Variants in PLCXD3 observed in about 807,000 individuals in gnomAD.
The protein encoded by PLCXD3 is PI-PLC X domain-containing protein 3.
A neutral mutation model predicts 25.5 loss-of-function variants in PLCXD3; 19 were observed. The observed-to-expected ratio is 0.75, with a 90% CI of 0.52 to 1.09. The LOEUF (loss-of-function observed/expected upper bound fraction) is 1.09. PLCXD3 is among the 50% of genes least tolerant of loss of function. The pLI, the probability that PLCXD3 is intolerant of heterozygous loss-of-function variation, is 0.00. For synonymous variants in PLCXD3, 174 were observed against 137.6 expected, an observed-to-expected ratio of 1.26 and a Z score of -1.85; for missense variants, 411 against 388.1, an observed-to-expected ratio of 1.06 and a Z score of -0.50.
At chr5:41,420,824 T>G (rs1338759930) in intron 1 of PLCXD3, among the ~76,000 whole-genome samples, 1 of 152,258 alleles carries the variant, frequency 6.6e-6, no homozygotes, top group Non-Finnish European at 1.5e-5. Context: ...TTGCATTGTC[T>G]GCAAGTTCTT....
chr5:41,338,205 A>G (rs1744037789), intron 2 of PLCXD3, among the ~76,000 whole-genome samples: 1 of 152,160 alleles, frequency 6.6e-6, no homozygotes. Flanking sequence ...ATTCCATGGA[A>G]CAATGCTTCA....
At chr5:41,323,414 C>A (rs1438973685) in intron 2 of PLCXD3, among the ~76,000 whole-genome samples, 5 of 152,142 alleles carry the variant, frequency 3.3e-5, no homozygotes, top group East Asian at 1.9e-4. Flanking sequence ...GGAAGGGATA[C>A]CCCATTCTTC....
intron 1 of PLCXD3, among the ~76,000 whole-genome samples, chr5:41,412,048 A>T (rs750024706): frequency 9.2e-5 from 14 of 151,786 alleles, no homozygotes; most frequent in Non-Finnish European, 1.9e-4. Flanking sequence ...AGACACAATC[A>T]CATTTCTAAC....
intron 1 of PLCXD3, among the ~76,000 whole-genome samples, chr5:41,469,584 AG>A (rs1395047612): frequency 6.6e-6 from 1 of 151,770 alleles, no homozygotes; most frequent in Non-Finnish European, 1.5e-5. Flanking sequence ...AGTCTTAGTA[AG>A]TTGTATTGTG....
chr5:41,398,457 T>C (rs932852575), intron 1 of PLCXD3, among the ~76,000 whole-genome samples: 1 of 152,194 alleles, frequency 6.6e-6, no homozygotes, highest in South Asian at 2.1e-4. Context: ...TGTGAGTCAA[T>C]TAAATTTCTT....
rs1433090457 is a variant in PLCXD3 at position 41,326,011 on chromosome 5, G to A, written c.813-12241C>T. Reference sequence around the variant, plus strand: ...TACTAATCTCATTCATGGGGACTCTGCCCTCACAACCTAATCGCCTCCCAA... The same window carrying A: ...TACTAATCTCATTCATGGGGACTCTACCCTCACAACCTAATCGCCTCCCAA... On this transcript the variant is annotated intron_variant, in intron 2 of 2. Coordinates refer to ENST00000377801, the MANE Select transcript of PLCXD3 (RefSeq NM_001005473.3). Among the ~76,000 whole-genome samples, 48 of 152,140 alleles carry A rather than the reference G, an allele frequency of 3.2e-4. 1 individual carries two copies. Among genetic ancestry groups the A allele is most frequent in the Admixed American group, 3.1e-3 (48 of 15,270 alleles).
At chr5:41,495,519 C>G (rs1374156633) in intron 1 of PLCXD3, among the ~76,000 whole-genome samples, 1 of 152,124 alleles carries the variant, frequency 6.6e-6, no homozygotes, top group Non-Finnish European at 1.5e-5. Flanking sequence ...ACTGATAGGA[C>G]CTGGCATATT....
intron 2 of PLCXD3, among the ~76,000 whole-genome samples, chr5:41,347,273 G>A (rs1744327930): frequency 6.6e-6 from 1 of 152,136 alleles, no homozygotes; most frequent in Non-Finnish European, 1.5e-5. Flanking sequence ...AGATGCCTCA[G>A]CACAGTAAAG....
At chr5:41,385,394 C>G (rs913383829) in intron 1 of PLCXD3, among the ~76,000 whole-genome samples, 5 of 152,082 alleles carry the variant, frequency 3.3e-5, no homozygotes, top group African/African-American at 1.2e-4. Context: ...TTTCCATTTG[C>G]CCTCTCTCCT....
chr5:41,384,431 T>C (rs1745574309), intron 1 of PLCXD3, among the ~76,000 whole-genome samples: 1 of 151,996 alleles, frequency 6.6e-6, no homozygotes, highest in South Asian at 2.1e-4. Flanking sequence ...TTAGGAGAGG[T>C]AATAAATACA....
intron 1 of PLCXD3, among the ~76,000 whole-genome samples, chr5:41,498,551 G>A (rs2111574035): frequency 6.6e-6 from 1 of 151,722 alleles, no homozygotes; most frequent in South Asian, 2.1e-4. Context: ...GAAAAGCCCA[G>A]AACCAGATGG....
intron 2 of PLCXD3, among the ~76,000 whole-genome samples, chr5:41,319,555 G>T (rs1238990734): frequency 1.3e-5 from 2 of 152,040 alleles, no homozygotes; most frequent in Non-Finnish European, 2.9e-5. Flanking sequence ...AAAGTTTCTT[G>T]AAACAAATAA....
At chr5:41,316,201 A>T (rs541718379) in intron 2 of PLCXD3, among the ~76,000 whole-genome samples, 1 of 152,238 alleles carries the variant, frequency 6.6e-6, no homozygotes, top group South Asian at 2.1e-4. Context: ...AGTCAGAGTC[A>T]TGAGGTCCCC....
intron 1 of PLCXD3, among the ~76,000 whole-genome samples, chr5:41,433,657 C>CA (rs1209715451): frequency 6.6e-6 from 1 of 152,128 alleles, no homozygotes; most frequent in Non-Finnish European, 1.5e-5. Context: ...TACTGACTCA[C>CA]AAAAATGACA....
intron 1 of PLCXD3, among the ~76,000 whole-genome samples, chr5:41,484,918 A>G (rs551975536): frequency 1.3e-5 from 2 of 152,288 alleles, no homozygotes; most frequent in East Asian, 3.9e-4. Flanking sequence ...CTTGTAGGCA[A>G]TTAAATAATA....
At position 41,311,149 on chromosome 5, in the gene PLCXD3, A is replaced by G. The variant is rs1743127889; in HGVS notation, c.*2468T>C. The G allele has an allele frequency of 2.6e-5, 4 of 152,150 alleles. No homozygotes were observed. Among genetic ancestry groups the G allele is most frequent in the Admixed American group, 2.6e-4 (4 of 15,264 alleles). 9.4% of individuals were successfully genotyped at this position (152,150 alleles called of 1,614,324 possible). On this transcript the variant is annotated 3_prime_UTR_variant, in exon 3 of 3. Transcript: ENST00000377801. ...GTCATTGCAAATATTCTTGGCTAAGATCCTCCTGAAGGATGAATGAATAGC... is the reference window on the plus strand; with the variant it reads ...GTCATTGCAAATATTCTTGGCTAAGGTCCTCCTGAAGGATGAATGAATAGC...
At chr5:41,318,926 A>C (rs893202997) in intron 2 of PLCXD3, among the ~76,000 whole-genome samples, 2 of 151,986 alleles carry the variant, frequency 1.3e-5, no homozygotes, top group Non-Finnish European at 2.9e-5. Flanking sequence ...ACTGGAAACA[A>C]GCAAACAAAC....
At position 41,381,522 on chromosome 5, in the gene PLCXD3, T is replaced by C. The variant is rs1745461001; in HGVS notation, c.812+304A>G. ...GACAGAGACTGGAGTGATGCATGTA[T>C]AAGCCAAGTAACACTCAGGCTTCCC... On this transcript the variant is annotated intron_variant, in intron 2 of 2. Transcript: ENST00000377801. 2.0e-5 allele frequency among the ~76,000 whole-genome samples: 3 copies of C among 152,152 alleles called. No individual in the cohort carries two copies. In the South Asian group the frequency reaches 6.2e-4, roughly 32 times the overall value.
At chr5:41,464,126 A>G (rs1189970908) in intron 1 of PLCXD3, among the ~76,000 whole-genome samples, 3 of 151,950 alleles carry the variant, frequency 2.0e-5, no homozygotes, top group African/African-American at 7.2e-5. Flanking sequence ...TTATTCAATC[A>G]TTTAGTGTGA....
Sources: allele counts gnomAD v4.1 joint callset (sites outside exome capture counted in the v4.1 genomes callset), GRCh38; gene constraint gnomAD v4.1.1; transcripts MANE v1.5; gene names NCBI Gene and HGNC (gene_info 2026-07-23, HGNC 2026-07-21).